Variants in ALKBH1 observed in about 807,000 individuals in gnomAD.
ALKBH1 encodes the protein alkB homolog 1, histone H2A dioxygenase.
ALKBH1 carries 31 observed loss-of-function variants against 36.6 expected under a neutral mutation model. That is an observed-to-expected ratio of 0.85 (90% CI 0.64 to 1.14). The LOEUF is 1.14. ALKBH1 is among the 50% of genes most tolerant of loss of function. ALKBH1 has a pLI of 0.00. For synonymous variants in ALKBH1, 183 were observed against 186.6 expected, an observed-to-expected ratio of 0.98 and a Z score of 0.16; for missense variants, 490 against 497.3, an observed-to-expected ratio of 0.99 and a Z score of 0.14.
intron 2 of ALKBH1, among the ~76,000 whole-genome samples, chr14:77,700,609 C>T (rs2080354117): frequency 6.6e-6 from 1 of 152,044 alleles, no homozygotes; most frequent in Non-Finnish European, 1.5e-5. Flanking sequence ...AGGAAACCCC[C>T]CAACAACCTA....
intron 2 of ALKBH1, among the ~76,000 whole-genome samples, chr14:77,701,296 T>C (rs1217374118): frequency 1.3e-5 from 2 of 152,148 alleles, no homozygotes; most frequent in Non-Finnish European, 2.9e-5. Flanking sequence ...CATAAGAACC[T>C]TATGAAGTAG....
intron 2 of ALKBH1, chr14:77,696,600 T>C (rs1254366703): frequency 6.6e-6 from 1 of 152,448 alleles, no homozygotes; most frequent in African/African-American, 2.4e-5. Flanking sequence ...GTGACTGACT[T>C]CAAATTGGAC....
chr14:77,679,082 G>A (rs1163733222), intron 4 of ALKBH1, among the ~76,000 whole-genome samples: 1 of 152,116 alleles, frequency 6.6e-6, no homozygotes, highest in Non-Finnish European at 1.5e-5. Context: ...CACCCAAAGT[G>A]CTTGGATTAC....
chr14:77,706,794 CTT>C (rs1200634809), intron 1 of ALKBH1, among the ~76,000 whole-genome samples: 1 of 152,154 alleles, frequency 6.6e-6, no homozygotes, highest in African/African-American at 2.4e-5. Context: ...TCTAAGACCA[CTT>C]TTTTTCCCTA....
rs2080186268 is a variant in ALKBH1 at position 77,673,282 on chromosome 14, GT to G, written c.*529del. ...AAAGACAAGATTTTCCAGTTCCATT[GT>G]TTTCATGTGTAAAGGATTCTTCCAT... On this transcript the variant is annotated 3_prime_UTR_variant, in exon 6 of 6. Coordinates refer to ENST00000216489, the MANE Select transcript of ALKBH1 (RefSeq NM_006020.3). The G allele has an allele frequency of 6.5e-6, 1 of 153,298 alleles. No individual in the cohort carries two copies. Among genetic ancestry groups the G allele is most frequent in the African/African-American group, 2.4e-5 (1 of 41,440 alleles). 9.5% of individuals were successfully genotyped at this position (153,298 alleles called of 1,614,324 possible). A position where few individuals can be genotyped will look rare whatever the true frequency, so the allele number is the denominator to read the frequency against.
intron 3 of ALKBH1, among the ~76,000 whole-genome samples, chr14:77,682,281 G>A (rs981656271): frequency 3.3e-5 from 5 of 152,106 alleles, no homozygotes; most frequent in African/African-American, 1.2e-4. Context: ...TTCAGCTAAA[G>A]GTACAAATAA....
At chr14:77,674,955 G>T (rs941826873) in intron 5 of ALKBH1, among the ~76,000 whole-genome samples, 1 of 151,920 alleles carries the variant, frequency 6.6e-6, no homozygotes, top group Admixed American at 6.6e-5. Flanking sequence ...GCACTTTCCC[G>T]AGATGCAGGT....
chr14:77,688,436 A>T (rs2080279950), intron 3 of ALKBH1, among the ~76,000 whole-genome samples: 1 of 151,898 alleles, frequency 6.6e-6, no homozygotes, highest in Admixed American at 6.6e-5. Flanking sequence ...TTGTAGATTT[A>T]GTAGAGACAG....
rs1386123998 is a variant in ALKBH1 at position 77,707,985 on chromosome 14, G to A, written c.20C>T (p.Ala7Val). Residue 7 changes from alanine to valine, a missense_variant, in exon 1 of 6, where the codon GCC (alanine) becomes GTC (valine). Coordinates refer to ENST00000216489, the MANE Select transcript of ALKBH1 (RefSeq NM_006020.3). MGKMAA[A>V]VGSVATLATE... ...CGCCAGAGTCGCCACAGAGCCCACG[G>A]CCGCTGCCATCTTCCCCATCTCGCG... 1.2e-6 allele frequency: 2 copies of A among 1,611,212 alleles called. No individual in the cohort carries two copies. The highest frequency in any genetic ancestry group is 2.2e-5 in the East Asian group (1 of 44,840).
Position 77,694,903 on chromosome 14 carries a change from A to G in ALKBH1, c.293-3T>C. 2.7e-6 allele frequency: 4 copies of G among 1,501,428 alleles called. No homozygotes were observed. The highest frequency in any genetic ancestry group is 3.5e-6 in the Non-Finnish European group (4 of 1,127,170). 93.0% of individuals were successfully genotyped at this position (1,501,428 alleles called of 1,614,324 possible). A position where few individuals can be genotyped will look rare whatever the true frequency, so the allele number is the denominator to read the frequency against. ...GGGGTTTGGGATAAAAATAAACCCT[A>G]TACAAAAGATGGGTGGGAAAAAAAG... On this transcript the variant is annotated splice_polypyrimidine_tract_variant and splice_region_variant and intron_variant, in intron 2 of 5. Coordinates refer to ENST00000216489, the MANE Select transcript of ALKBH1 (RefSeq NM_006020.3).
intron 3 of ALKBH1, among the ~76,000 whole-genome samples, chr14:77,681,808 G>A (rs1028888100): frequency 6.6e-6 from 1 of 152,204 alleles, no homozygotes; most frequent in Non-Finnish European, 1.5e-5. Flanking sequence ...CTGCCTACAT[G>A]ACAAGCTCCT....
chr14:77,690,690 G>A (rs1304635522), intron 3 of ALKBH1, among the ~76,000 whole-genome samples: 1 of 152,068 alleles, frequency 6.6e-6, no homozygotes, highest in African/African-American at 2.4e-5. Context: ...TGCATTCTAT[G>A]TCTGGGATAT....
At chr14:77,683,424 AAG>A (rs2080249721) in intron 3 of ALKBH1, 4 of 764,456 alleles carry the variant, frequency 5.2e-6, no homozygotes, top group Admixed American at 3.5e-5. Flanking sequence ...TTCTCTTGGC[AAG>A]AGTCTTGCCC....
intron 5 of ALKBH1, 68 bp downstream of exon 5, chr14:77,675,588 G>T (rs2139842275): frequency 1.4e-6 from 2 of 1,396,246 alleles, no homozygotes; most frequent in Non-Finnish European, 2.0e-6. Context: ...ATTTATTTTA[G>T]AGTAAAATGT....
chr14:77,687,014 GC>G (rs1328492645), intron 3 of ALKBH1, among the ~76,000 whole-genome samples: 2 of 152,166 alleles, frequency 1.3e-5, no homozygotes, highest in Non-Finnish European at 2.9e-5. Flanking sequence ...GACATCCAAT[GC>G]CACTGTAACT....
In ALKBH1 at chr14:77,674,092, T is replaced by C; in HGVS notation, c.890A>G (p.Glu297Gly). ...HAVPRVLPNP[E>G]GEGLPHCLEA... is the part of the protein sequence containing the mutation. ...TAGGCAGTGAGGCAGGCCTTCCCCT[T>C]CTGGATTTGGAAGGACACGAGGGAC... The change falls in exon 6 of 6, where the codon GAA becomes GGA. Residue 297 changes from glutamate (E) to glycine (G), a missense_variant. Coordinates refer to ENST00000216489, the MANE Select transcript of ALKBH1 (RefSeq NM_006020.3). The C allele has an allele frequency of 6.2e-7, 1 of 1,614,088 alleles. No individual in the cohort carries two copies. The highest frequency in any genetic ancestry group is 8.5e-7 in the Non-Finnish European group (1 of 1,180,036).
intron 3 of ALKBH1, among the ~76,000 whole-genome samples, chr14:77,692,661 T>C (rs2139857041): frequency 6.6e-6 from 1 of 151,992 alleles, no homozygotes; most frequent in Non-Finnish European, 1.5e-5. Context: ...AATCCACCTC[T>C]CCTCCTTCAT....
chr14:77,706,712 T>C (rs1595061741), intron 1 of ALKBH1, among the ~76,000 whole-genome samples: 2 of 152,240 alleles, frequency 1.3e-5, no homozygotes, highest in Non-Finnish European at 2.9e-5. Context: ...AGGAGCTGAA[T>C]GAGAGTCTGA....
chr14:77,707,631 G>T (rs569036034), intron 1 of ALKBH1, among the ~76,000 whole-genome samples, 191 bp downstream of exon 1: 1 of 152,334 alleles, frequency 6.6e-6, no homozygotes, highest in South Asian at 2.1e-4. Context: ...GCCGCCTAAA[G>T]AAACAGGCAT....
Sources: allele counts gnomAD v4.1 joint callset (sites outside exome capture counted in the v4.1 genomes callset), GRCh38; gene constraint gnomAD v4.1.1; transcripts MANE v1.5; gene names NCBI Gene and HGNC (gene_info 2026-07-23, HGNC 2026-07-21).